The following HOXC6 variants were observed in gnomAD, a reference collection of about 807,000 sequenced individuals.
The protein encoded by HOXC6 is homeobox protein Hox-C6.
HOXC6 carries 10 observed loss-of-function variants against 24.0 expected under a neutral mutation model. The ratio of observed to expected loss-of-function variants is 0.42; its 90% CI spans 0.26 to 0.71. The LOEUF is 0.71. HOXC6 is among the 30% of genes least tolerant of loss of function. The pLI is 0.28. For synonymous variants in HOXC6, 123 were observed against 128.1 expected, an observed-to-expected ratio of 0.96 and a Z score of 0.27; for missense variants, 258 against 303.4, an observed-to-expected ratio of 0.85 and a Z score of 1.11.
chr12:54,029,809 C>T lies in HOXC6; in HGVS notation c.555C>T (p.Ile185=). 6.2e-7 allele frequency: 1 copy of T among 1,613,958 alleles called. No individual in the cohort carries two copies. Among genetic ancestry groups the T allele is most frequent in the Admixed American group, 1.7e-5 (1 of 60,018 alleles). ...CGCTTTGCCTGACCGAGCGACAGATCAAAATCTGGTTCCAGAACCGCCGGA... is the reference window on the plus strand; with the variant it reads ...CGCTTTGCCTGACCGAGCGACAGATTAAAATCTGGTTCCAGAACCGCCGGA... ...ANALCLTERQ[I]KIWFQNRRMK... is the part of the protein sequence containing the mutation. The change falls in exon 2 of 2, where the codon ATC becomes ATT. Residue 185 remains isoleucine (I), a synonymous_variant. Coordinates refer to ENST00000243108, the MANE Select transcript of HOXC6 (RefSeq NM_004503.4).
chr12:54,026,727 A>C (rs1490707677), upstream of HOXC6, among the ~76,000 whole-genome samples: 1 of 152,140 alleles, frequency 6.6e-6, no homozygotes, highest in African/African-American at 2.4e-5. Flanking sequence ...GCTCCTGCAC[A>C]CTGTCTGCTT....
chr12:54,026,532 G>T (rs1452311519), upstream of HOXC6, among the ~76,000 whole-genome samples: 1 of 152,176 alleles, frequency 6.6e-6, no homozygotes, highest in Non-Finnish European at 1.5e-5. Context: ...AAGAAAGTGT[G>T]ATCTAGAAGG....
At position 54,030,018 on chromosome 12, in the gene HOXC6, T is replaced by A. The variant is rs939957363; in HGVS notation, c.*56T>A. On this transcript the variant is annotated 3_prime_UTR_variant, in exon 2 of 2. Coordinates refer to ENST00000243108, the MANE Select transcript of HOXC6 (RefSeq NM_004503.4). ...TTTCTCCCTCGCTCCCCACCAACTC[T>A]CCCCTAATCACACACTCTGTATTTA... The A allele has an allele frequency of 2.0e-5, 28 of 1,401,566 alleles. No individual in the cohort carries two copies. In the Middle Eastern group the frequency reaches 9.2e-4, roughly 46 times the overall value. The allele number at this position is 1,401,566 out of a possible 1,614,324, so 86.8% of individuals were successfully genotyped here.
chr12:54,017,488 T>C (rs1000563189), intron 1 of HOXC6: 4 of 151,918 alleles, frequency 2.6e-5, no homozygotes, highest in East Asian at 1.9e-4. Context: ...CAGCAGCGGC[T>C]TCTCTTGGTT....
intron 1 of HOXC6, among the ~76,000 whole-genome samples, chr12:54,017,689 C>T (rs1201111403): frequency 6.6e-6 from 1 of 152,052 alleles, no homozygotes; most frequent in East Asian, 1.9e-4. Flanking sequence ...GGGCTCAAGC[C>T]GGCGGTCTAG....
At chr12:54,021,712 C>G (rs973714091) in intron 1 of HOXC6, 1 of 152,300 alleles carries the variant, frequency 6.6e-6, no homozygotes, top group Non-Finnish European at 1.5e-5. Flanking sequence ...TCACCCCAGG[C>G]ACTGGGGTGA....
chr12:54,017,024 G>A (rs1298856557), exon 1 of HOXC6: 1 of 151,900 alleles, frequency 6.6e-6, no homozygotes, highest in Non-Finnish European at 1.5e-5. Flanking sequence ...TTTCCTCCCA[G>A]GTGGAGTTGC....
intron 1 of HOXC6, among the ~76,000 whole-genome samples, chr12:54,029,432 C>T (rs1467043172): frequency 6.9e-6 from 1 of 144,466 alleles, no homozygotes; most frequent in Non-Finnish European, 1.5e-5. Flanking sequence ...CACCACACAC[C>T]TTTCTTTGGG....
chr12:54,022,323 T>G (rs1194748249), intron 1 of HOXC6: 1 of 152,194 alleles, frequency 6.6e-6, no homozygotes, highest in Non-Finnish European at 1.5e-5. Flanking sequence ...AAAATTGCAG[T>G]GAATTTAAGC....
chr12:54,026,796 CAGA>C (rs1364919505), upstream of HOXC6, among the ~76,000 whole-genome samples: 2 of 152,204 alleles, frequency 1.3e-5, no homozygotes, highest in African/African-American at 2.4e-5. Context: ...CTTAACGTTA[CAGA>C]AGATGAATAA....
intron 1 of HOXC6, among the ~76,000 whole-genome samples, chr12:54,019,499 C>G (rs527654115): frequency 1.3e-5 from 2 of 152,142 alleles, no homozygotes; most frequent in African/African-American, 4.8e-5. Flanking sequence ...AATCGCCGAC[C>G]GGTGAGGCCT....
At chr12:54,026,550 T>A (rs1181551715), upstream of HOXC6, among the ~76,000 whole-genome samples, 1 of 152,224 alleles carries the variant, frequency 6.6e-6, no homozygotes, top group African/African-American at 2.4e-5. Flanking sequence ...AGGAGGAACC[T>A]TTATAATTAT....
At chr12:54,027,883 G>T (rs543688931), upstream of HOXC6, among the ~76,000 whole-genome samples, 121 of 152,080 alleles carry the variant, frequency 8.0e-4, 1 homozygote, top group Admixed American at 2.0e-3. Flanking sequence ...CAGGTTTTAT[G>T]AAATTTCTTT....
In HOXC6 at chr12:54,028,856, C is replaced by A. The variant is rs879224445; in HGVS notation, c.335C>A (p.Ala112Glu). The A allele has an allele frequency of 5.0e-6, 8 of 1,613,864 alleles. No homozygotes were observed. The highest frequency in any genetic ancestry group is 1.6e-4 in the Middle Eastern group (1 of 6,084). The change falls in exon 1 of 2, where the codon GCG becomes GAG. Residue 112 changes from alanine to glutamate, a missense_variant. Ala to Glu is a moderately radical substitution (Grantham distance 107, BLOSUM62 -1). Coordinates refer to ENST00000243108, the MANE Select transcript of HOXC6 (RefSeq NM_004503.4). Reference protein sequence around the residue: ...QDFSSEQGRTAPQDQKASIQI... With the variant: ...QDFSSEQGRTEPQDQKASIQI... ...TTTAGTTCTGAGCAGGGCAGGACTG[C>A]GCCCCAGGACCAGAAAGCCAGTATC...
At chr12:54,026,940 C>G (rs1047688023), upstream of HOXC6, among the ~76,000 whole-genome samples, 34 of 142,020 alleles carry the variant, frequency 2.4e-4, no homozygotes, top group Middle Eastern at 3.6e-3. Flanking sequence ...CAGCTTTCCC[C>G]CCCCCCAACC....
Position 54,022,933 on chromosome 12 carries a change from A to C in HOXC6, c.-193+5519A>C, listed in dbSNP as rs779731280. 3.3e-5 allele frequency among the ~76,000 whole-genome samples: 5 copies of C among 152,284 alleles called. No homozygotes were observed. In the East Asian group the frequency reaches 5.8e-4, roughly 18 times the overall value. ...CCCAGTGCAGAGCAGCACACCCCCT[A>C]TTGCGGCTTCTTCCTCATGTGACAT... On this transcript the variant is annotated intron_variant, in intron 1 of 2. Coordinates refer to the HOXC6 transcript ENST00000394331.
chr12:54,018,631 A>G (rs2136414217), intron 1 of HOXC6, among the ~76,000 whole-genome samples: 1 of 152,260 alleles, frequency 6.6e-6, no homozygotes, highest in East Asian at 1.9e-4. Flanking sequence ...TTGCAGTTTG[A>G]TATATGACCC....
upstream of HOXC6, among the ~76,000 whole-genome samples, chr12:54,027,473 G>A (rs551163389): frequency 6.6e-6 from 1 of 152,268 alleles, no homozygotes; most frequent in South Asian, 2.1e-4. Context: ...TACCCCACAG[G>A]CCCTCACTGG....
At position 54,028,719 on chromosome 12, in the gene HOXC6, C is replaced by A. The variant is rs1434692374; in HGVS notation, c.198C>A (p.Ser66Arg). 6.2e-7 allele frequency: 1 copy of A among 1,614,124 alleles called. No individual in the cohort carries two copies. Among genetic ancestry groups the A allele is most frequent in the East Asian group, 2.2e-5 (1 of 44,862 alleles). ...AGGAGAATGTCGTGTTCAGTTCCAG[C>A]CGGGGGCCGTATGACTATGGATCTA... ...SPQENVVFSS[S>R]RGPYDYGSNS... Residue 66 changes from serine (S) to arginine (R), a missense_variant, in exon 1 of 2, where the codon AGC (serine) becomes AGA (arginine). Transcript: ENST00000243108.
Sources: gnomAD v4.1 joint callset for allele counts (sites outside exome capture counted in the v4.1 genomes callset) on GRCh38, gnomAD v4.1.1 for gene constraint, MANE v1.5 for transcripts, NCBI Gene and HGNC (gene_info 2026-07-23, HGNC 2026-07-21) for gene names.